Variants in KLHL1 observed in about 807,000 individuals in gnomAD.
The protein encoded by KLHL1 is kelch-like protein 1.
Under a neutral mutation model 77.7 loss-of-function variants are expected in KLHL1, and 47 were observed. The ratio of observed to expected loss-of-function variants is 0.60; its 90% CI spans 0.48 to 0.77. The LOEUF (loss-of-function observed/expected upper bound fraction) is 0.77. Ranked by LOEUF, KLHL1 falls within the 30% of genes least tolerant of loss-of-function variation. The probability of loss-of-function intolerance (pLI) is 0.00; values close to 1 mark genes in which losing one functional copy is unlikely to be tolerated. For missense variants in KLHL1, 925 were observed against 910.8 expected (o/e 1.02, Z -0.20); for synonymous variants, 360 against 325.2 (o/e 1.11, Z -1.15).
intron 8 of KLHL1, among the ~76,000 whole-genome samples, chr13:69,723,475 A>G (rs944303450): frequency 3.9e-5 from 6 of 152,132 alleles, no homozygotes; most frequent in African/African-American, 1.2e-4. Context: ...ACAAAAAAAG[A>G]AAGTAAGCCC....
intron 7 of KLHL1, among the ~76,000 whole-genome samples, chr13:69,742,791 T>G (rs1001680869): frequency 6.6e-6 from 1 of 152,180 alleles, no homozygotes; most frequent in Non-Finnish European, 1.5e-5. Flanking sequence ...AGTGCAGGCA[T>G]AGTTAAAATT....
At chr13:69,771,701 T>C (rs1165712601) in intron 7 of KLHL1, among the ~76,000 whole-genome samples, 1 of 152,124 alleles carries the variant, frequency 6.6e-6, no homozygotes, top group East Asian at 1.9e-4. Context: ...GGGTGCATAG[T>C]TTTTAGATTT....
chr13:69,906,608 A>T (rs1015538310), intron 4 of KLHL1, among the ~76,000 whole-genome samples: 2 of 151,834 alleles, frequency 1.3e-5, no homozygotes, highest in African/African-American at 2.4e-5. Flanking sequence ...TTACATTTTT[A>T]TTGTTCTCTT....
At chr13:70,016,640 G>A (rs1885664873) in intron 1 of KLHL1, among the ~76,000 whole-genome samples, 1 of 152,214 alleles carries the variant, frequency 6.6e-6, no homozygotes, top group South Asian at 2.1e-4. Context: ...GAGGCTGAGA[G>A]TGGCTCAGCA....
intron 7 of KLHL1, among the ~76,000 whole-genome samples, chr13:69,758,934 G>A (rs1446964996): frequency 6.6e-6 from 1 of 152,012 alleles, no homozygotes; most frequent in Non-Finnish European, 1.5e-5. Flanking sequence ...CTGAAAATAA[G>A]TTTGAAACGA....
chr13:70,086,586 AAAAAAAAG>A (rs1887542969), intron 1 of KLHL1, among the ~76,000 whole-genome samples: 2 of 84,938 alleles, frequency 2.4e-5, no homozygotes, highest in African/African-American at 5.0e-5. Flanking sequence ...AAAAAAAAAA[AAAAAAAAG>A]AAAGAAAGAA....
chr13:69,816,307 C>A (rs1878120005), intron 6 of KLHL1, among the ~76,000 whole-genome samples: 2 of 149,658 alleles, frequency 1.3e-5, no homozygotes, highest in Non-Finnish European at 3.0e-5. Context: ...GTCACCCAGG[C>A]TGGAGTGCAG....
intron 3 of KLHL1, among the ~76,000 whole-genome samples, chr13:69,942,233 T>A (rs1302632345): frequency 2.0e-5 from 3 of 152,048 alleles, no homozygotes; most frequent in African/African-American, 7.2e-5. Context: ...TAATAATCAA[T>A]GGCAGCCTTT....
intron 6 of KLHL1, among the ~76,000 whole-genome samples, chr13:69,830,654 C>T (rs1220649332): frequency 6.7e-6 from 1 of 150,122 alleles, no homozygotes; most frequent in African/African-American, 2.5e-5. Context: ...ACATTCTATT[C>T]ATCAGCACAT....
intron 1 of KLHL1, among the ~76,000 whole-genome samples, chr13:70,051,199 T>A (rs952041824): frequency 3.3e-5 from 5 of 152,044 alleles, no homozygotes; most frequent in African/African-American, 1.2e-4. Flanking sequence ...TTCTTAATAT[T>A]GTATAATGTT....
intron 8 of KLHL1, among the ~76,000 whole-genome samples, chr13:69,730,781 C>T (rs1387290868): frequency 3.3e-5 from 5 of 151,968 alleles, no homozygotes; most frequent in Non-Finnish European, 5.9e-5. Context: ...GGTCTCACTA[C>T]GTTGCCCAGG....
At chr13:70,002,397 G>A (rs949198544) in intron 1 of KLHL1, among the ~76,000 whole-genome samples, 1 of 151,304 alleles carries the variant, frequency 6.6e-6, no homozygotes, top group African/African-American at 2.4e-5. Flanking sequence ...AGAAGTAAGG[G>A]CCAGGAAAAA....
intron 1 of KLHL1, among the ~76,000 whole-genome samples, chr13:70,100,814 T>C (rs980696121): frequency 2.6e-5 from 4 of 152,230 alleles, no homozygotes; most frequent in African/African-American, 9.6e-5. Context: ...ATTTGTTTTT[T>C]ACAACTACCA....
intron 5 of KLHL1, among the ~76,000 whole-genome samples, chr13:69,857,895 C>T (rs1216665040): frequency 6.6e-6 from 1 of 151,668 alleles, no homozygotes; most frequent in Admixed American, 6.6e-5. Context: ...GAAAAATATA[C>T]TCATCTGGGT....
chr13:69,841,851 A>T (rs1189692834), intron 5 of KLHL1, among the ~76,000 whole-genome samples: 1 of 151,922 alleles, frequency 6.6e-6, no homozygotes, highest in Non-Finnish European at 1.5e-5. Context: ...ATATAGGCCA[A>T]TGGAACAGAA....
chr13:69,786,721 C>T (rs150676363), intron 7 of KLHL1, among the ~76,000 whole-genome samples: 3,515 of 152,246 alleles, frequency 0.023, 134 homozygotes, highest in African/African-American at 0.081. Flanking sequence ...CAAATTGTCC[C>T]TGTTTGCAGA....
At chr13:70,092,065 G>T (rs1887683387) in intron 1 of KLHL1, among the ~76,000 whole-genome samples, 1 of 152,092 alleles carries the variant, frequency 6.6e-6, no homozygotes, top group South Asian at 2.1e-4. Context: ...CCAAGGAAAT[G>T]AATTTTGTCA....
At position 70,015,072 on chromosome 13, in the gene KLHL1, T is replaced by C. The variant is rs188793111; in HGVS notation, c.498-39270A>G. 2.4e-3 allele frequency among the ~76,000 whole-genome samples: 367 copies of C among 152,286 alleles called. 4 individuals carry two copies. Among genetic ancestry groups the C allele is most frequent in the Admixed American group, 0.023 (354 of 15,300 alleles). On this transcript the variant is annotated intron_variant, in intron 1 of 10. Coordinates refer to ENST00000377844, the MANE Select transcript of KLHL1 (RefSeq NM_020866.3). Reference sequence around the variant, plus strand: ...GATTTACAAACATGATCAGAATTCATATTGAACTGAAAGTAGATTATGTAC... The same window carrying C: ...GATTTACAAACATGATCAGAATTCACATTGAACTGAAAGTAGATTATGTAC...
intron 7 of KLHL1, among the ~76,000 whole-genome samples, chr13:69,766,393 T>C (rs1875303725): frequency 6.6e-6 from 1 of 151,900 alleles, no homozygotes; most frequent in East Asian, 1.9e-4. Context: ...GCATATAATA[T>C]GGAAAATAGA....
Sources: allele counts gnomAD v4.1 joint callset (sites outside exome capture counted in the v4.1 genomes callset), GRCh38; gene constraint gnomAD v4.1.1; transcripts MANE v1.5; gene names NCBI Gene and HGNC (gene_info 2026-07-23, HGNC 2026-07-21).